TENM2: variants seen among roughly 807,000 people sequenced by gnomAD.
TENM2 encodes teneurin-2.
A neutral mutation model predicts 245.2 loss-of-function variants in TENM2; 52 were observed. That is an observed-to-expected ratio of 0.21 (90% CI 0.17 to 0.27). The LOEUF (loss-of-function observed/expected upper bound fraction) is 0.27. Among genes scored for constraint, TENM2 ranks in the 10% least tolerant of loss-of-function variants. The pLI is 1.00. For missense variants in TENM2, 3,046 were observed against 3,666.8 expected, an observed-to-expected ratio of 0.83 and a Z score of 4.37; for synonymous variants, 1,363 against 1,438.9, an observed-to-expected ratio of 0.95 and a Z score of 1.19.
intron 2 of TENM2, among the ~76,000 whole-genome samples, chr5:167,510,954 A>T (rs75528021): frequency 3.8e-4 from 24 of 63,636 alleles, no homozygotes; most frequent in Middle Eastern, 9.4e-3. Flanking sequence ...AAAAAATAAA[A>T]GAAAGAGAGA....
At chr5:167,497,376 G>T (rs906912188) in intron 2 of TENM2, among the ~76,000 whole-genome samples, 4 of 152,092 alleles carry the variant, frequency 2.6e-5, no homozygotes, top group Non-Finnish European at 4.4e-5. Flanking sequence ...ATTCTAAAAA[G>T]ATGTTCTCTG....
intron 2 of TENM2, among the ~76,000 whole-genome samples, chr5:167,451,582 C>T (rs1004336099): frequency 2.0e-5 from 3 of 152,074 alleles, no homozygotes; most frequent in Non-Finnish European, 2.9e-5. Context: ...CACACTTGTC[C>T]GAGACCTCTG....
At chr5:168,070,942 GAAGGA>G (rs149744148) in intron 7 of TENM2, among the ~76,000 whole-genome samples, 14,771 of 151,108 alleles carry the variant, frequency 0.098, 773 homozygotes, top group East Asian at 0.18. Flanking sequence ...GTTACAGAAA[GAAGGA>G]AAGGAAAGGA....
intron 2 of TENM2, among the ~76,000 whole-genome samples, chr5:167,647,622 C>CA (rs566480088): frequency 6.3e-4 from 95 of 149,612 alleles, no homozygotes; most frequent in South Asian, 2.8e-3. Flanking sequence ...GACTTAGTCT[C>CA]AAAAAAAAAG....
At chr5:167,679,053 C>T (rs759680854) in intron 2 of TENM2, among the ~76,000 whole-genome samples, 4 of 152,056 alleles carry the variant, frequency 2.6e-5, no homozygotes, top group Non-Finnish European at 5.9e-5. Context: ...CACAAATGCA[C>T]CCTCTTGAAA....
At chr5:168,222,873 C>T (rs1335723118) in intron 23 of TENM2, among the ~76,000 whole-genome samples, 1 of 152,150 alleles carries the variant, frequency 6.6e-6, no homozygotes, top group African/African-American at 2.4e-5. Context: ...TCTTCCCAGC[C>T]GTATCTCCAG....
chr5:168,226,165 A>T, exon 24 of TENM2: 1 of 1,613,678 alleles, frequency 6.2e-7, no homozygotes, highest in Non-Finnish European at 8.5e-7. Flanking sequence ...GAAATGGAGA[A>T]ATCTATTACC....
the TENM2 span, among the ~76,000 whole-genome samples, chr5:167,008,095 T>C: frequency 1.3e-5 from 2 of 152,186 alleles, no homozygotes; most frequent in Non-Finnish European, 2.9e-5. Flanking sequence ...ATAAATCATT[T>C]TTACAGGAAT....
chr5:167,968,317 A>G (rs1404706794), intron 4 of TENM2, among the ~76,000 whole-genome samples: 1 of 152,198 alleles, frequency 6.6e-6, no homozygotes, highest in African/African-American at 2.4e-5. Flanking sequence ...TGTATTTTTC[A>G]AATCCCTTAT....
At chr5:167,510,212 T>C (rs1769845070) in intron 2 of TENM2, among the ~76,000 whole-genome samples, 1 of 152,218 alleles carries the variant, frequency 6.6e-6, no homozygotes, top group Non-Finnish European at 1.5e-5. Context: ...TTCATGCAGT[T>C]AATTTACTCT....
the TENM2 span, among the ~76,000 whole-genome samples, chr5:166,989,381 T>C: frequency 6.6e-6 from 1 of 150,818 alleles, no homozygotes; most frequent in Non-Finnish European, 1.5e-5. Context: ...TGCCTCAGCT[T>C]CCTGAGTAGC....
intron 1 of TENM2, among the ~76,000 whole-genome samples, chr5:167,341,511 TTC>T (rs902122181): frequency 6.6e-6 from 1 of 152,122 alleles, no homozygotes; most frequent in African/African-American, 2.4e-5. Flanking sequence ...GCTTTCATTT[TTC>T]TCTGAGTATT....
intron 1 of TENM2, among the ~76,000 whole-genome samples, chr5:167,365,351 A>G (rs1187917318): frequency 6.6e-6 from 1 of 151,774 alleles, no homozygotes; most frequent in Non-Finnish European, 1.5e-5. Context: ...TCAGTGGTCT[A>G]CATTTCTACC....
At chr5:167,215,396 T>A in the TENM2 span, among the ~76,000 whole-genome samples, 1 of 152,194 alleles carries the variant, frequency 6.6e-6, no homozygotes, top group African/African-American at 2.4e-5. Context: ...ATATTCTCTC[T>A]CTTTGTTCCA....
At chr5:167,490,889 G>A (rs1321179211) in intron 2 of TENM2, among the ~76,000 whole-genome samples, 1 of 152,166 alleles carries the variant, frequency 6.6e-6, no homozygotes, top group Non-Finnish European at 1.5e-5. Flanking sequence ...TTAAGTTCAG[G>A]AATCCAAAGT....
the TENM2 span, among the ~76,000 whole-genome samples, chr5:167,099,682 C>T: frequency 4.7e-4 from 71 of 152,076 alleles, 1 homozygote; most frequent in African/African-American, 1.5e-3. Context: ...GCAACAAGAG[C>T]GAAACACCGT....
chr5:167,772,491 T>C (rs1055180494), intron 2 of TENM2, among the ~76,000 whole-genome samples: 2 of 152,260 alleles, frequency 1.3e-5, no homozygotes, highest in East Asian at 3.9e-4. Context: ...GTGGGCATTC[T>C]CCTAGGTTTC....
At chr5:167,452,948 T>TATATATATATATATATAATTTTAA (rs10627779) in intron 2 of TENM2, among the ~76,000 whole-genome samples, 2 of 47,510 alleles carry the variant, frequency 4.2e-5, no homozygotes, top group African/African-American at 1.3e-4. Flanking sequence ...TATATATATA[T>TATATATATATATATATAATTTTAA]ATATATATAT....
At chr5:168,230,175 A>C (rs1581701843) in intron 25 of TENM2, among the ~76,000 whole-genome samples, 1 of 152,360 alleles carries the variant, frequency 6.6e-6, no homozygotes, top group African/African-American at 2.4e-5. Flanking sequence ...ATTTGCTGGC[A>C]TCGTGTTTAT....
Sources: allele counts gnomAD v4.1 joint callset (sites outside exome capture counted in the v4.1 genomes callset), GRCh38; gene constraint gnomAD v4.1.1; transcripts MANE v1.5; gene names NCBI Gene and HGNC (gene_info 2026-07-23, HGNC 2026-07-21).